UVRAG: variants seen among roughly 807,000 people sequenced by gnomAD.
UVRAG encodes the protein UV radiation resistance associated.
Under a neutral mutation model 78.0 loss-of-function variants are expected in UVRAG, and 19 were observed. The observed-to-expected ratio is 0.24, with a 90% CI of 0.17 to 0.36. The LOEUF is 0.36. Ranked by LOEUF, UVRAG falls within the 10% of genes least tolerant of loss-of-function variation. The pLI is 1.00. For synonymous variants in UVRAG, 323 were observed against 324.6 expected, an observed-to-expected ratio of 1.00 and a Z score of 0.05; for missense variants, 740 against 853.8, an observed-to-expected ratio of 0.87 and a Z score of 1.66.
intron 1 of UVRAG, among the ~76,000 whole-genome samples, chr11:75,828,090 C>G (rs73489931): frequency 0.051 from 7,713 of 152,146 alleles, 678 homozygotes; most frequent in African/African-American, 0.18. Context: ...GTGCTCATTA[C>G]AGGTCTAGGA....
intron 4 of UVRAG, among the ~76,000 whole-genome samples, chr11:75,883,246 C>T (rs1051969838): frequency 7.9e-5 from 12 of 151,910 alleles, no homozygotes; most frequent in Non-Finnish European, 1.5e-4. Context: ...TCAAGTCACA[C>T]TTTCCTTCGG....
At chr11:76,128,316 G>A (rs1429373750) in intron 14 of UVRAG, among the ~76,000 whole-genome samples, 1 of 152,192 alleles carries the variant, frequency 6.6e-6, no homozygotes, top group African/African-American at 2.4e-5. Context: ...AATGCCTGAT[G>A]ATCTGAGATG....
chr11:76,002,473 G>C (rs1694198678), intron 8 of UVRAG, among the ~76,000 whole-genome samples: 1 of 152,150 alleles, frequency 6.6e-6, no homozygotes, highest in Non-Finnish European at 1.5e-5. Context: ...TTGAAGACCA[G>C]ATCTGTCTTT....
rs116721470 is a variant in UVRAG at position 75,966,367 on chromosome 11, A to G, written c.699+4818A>G. ...ACAATGTTTTGAATTGCGTTTTCAG[A>G]TTTTGGTAGTAGGATTATGGTAGCC... On this transcript the variant is annotated intron_variant, in intron 7 of 14. Transcript: ENST00000356136. 3.0e-3 allele frequency among the ~76,000 whole-genome samples: 453 copies of G among 152,170 alleles called. 4 individuals are homozygous for G. The highest frequency in any genetic ancestry group is 0.01 in the African/African-American group (423 of 41,506).
chr11:76,013,670 A>G (rs1201128664), intron 11 of UVRAG, among the ~76,000 whole-genome samples: 1 of 152,254 alleles, frequency 6.6e-6, no homozygotes, highest in Non-Finnish European at 1.5e-5. Context: ...AGAATGTGAC[A>G]TCTGAGGTTG....
intron 8 of UVRAG, among the ~76,000 whole-genome samples, chr11:75,996,513 G>C (rs1949710574): frequency 6.6e-6 from 1 of 152,078 alleles, no homozygotes; most frequent in African/African-American, 2.4e-5. Context: ...CAGAACAACA[G>C]GTACAGGAGG....
rs901263704 is a variant in UVRAG at position 76,110,201 on chromosome 11, A to G, written c.1306-5723A>G. On this transcript the variant is annotated intron_variant, in intron 13 of 14. Transcript: ENST00000356136. ...TGATGATAATGTGGAGAATATATAT[A>G]TATCTGGTACATATATATATATATA... 9.3e-5 allele frequency among the ~76,000 whole-genome samples: 12 copies of G among 129,438 alleles called. 1 individual carries two copies. Among genetic ancestry groups the G allele is most frequent in the Admixed American group, 2.2e-4 (3 of 13,922 alleles). 84.9% of individuals were successfully genotyped at this position (129,438 alleles called of 152,430 possible). A position where few individuals can be genotyped will look rare whatever the true frequency, so the allele number is the denominator to read the frequency against.
chr11:76,021,362 G>A (rs527538479), intron 12 of UVRAG, among the ~76,000 whole-genome samples: 2 of 152,228 alleles, frequency 1.3e-5, no homozygotes, highest in South Asian at 4.1e-4. Flanking sequence ...TGTAAGGTTT[G>A]TAGTAATGTC....
chr11:75,886,175 G>C (rs893648305), intron 4 of UVRAG, among the ~76,000 whole-genome samples: 1 of 152,114 alleles, frequency 6.6e-6, no homozygotes, highest in Non-Finnish European at 1.5e-5. Flanking sequence ...ATCTTTTCAA[G>C]TACTAGTACT....
At chr11:76,070,143 T>A (rs1719106619) in intron 13 of UVRAG, among the ~76,000 whole-genome samples, 1 of 152,130 alleles carries the variant, frequency 6.6e-6, no homozygotes, top group African/African-American at 2.4e-5. Context: ...ATACTGCCAT[T>A]TGTGACAATA....
At chr11:76,055,879 T>G (rs575129023) in intron 12 of UVRAG, among the ~76,000 whole-genome samples, 1 of 152,258 alleles carries the variant, frequency 6.6e-6, no homozygotes, top group East Asian at 1.9e-4. Context: ...CTGGCTAATT[T>G]TTTGTATTTT....
intron 1 of UVRAG, among the ~76,000 whole-genome samples, chr11:75,818,142 CT>C (rs1211812886): frequency 6.6e-6 from 1 of 152,124 alleles, no homozygotes; most frequent in Non-Finnish European, 1.5e-5. Flanking sequence ...CCTATGTTCT[CT>C]TCCATCTCTG....
At chr11:76,075,784 A>G (rs911036478) in intron 13 of UVRAG, among the ~76,000 whole-genome samples, 1 of 152,072 alleles carries the variant, frequency 6.6e-6, no homozygotes, top group Non-Finnish European at 1.5e-5. Context: ...CTACCAGCCT[A>G]CTTTCTGTTT....
chr11:76,034,958 CTTT>C, intron 12 of UVRAG, among the ~76,000 whole-genome samples: 1 of 152,140 alleles, frequency 6.6e-6, no homozygotes, highest in East Asian at 1.9e-4. Flanking sequence ...GCAACGGAAA[CTTT>C]TTATTATTTT....
At chr11:75,974,990 C>G (rs981843584) in intron 7 of UVRAG, among the ~76,000 whole-genome samples, 1 of 152,140 alleles carries the variant, frequency 6.6e-6, no homozygotes, top group Non-Finnish European at 1.5e-5. Flanking sequence ...AGGTTTTCTC[C>G]TAGGGGTTTT....
At chr11:76,083,038 A>T (rs1337492790) in intron 13 of UVRAG, among the ~76,000 whole-genome samples, 1 of 152,188 alleles carries the variant, frequency 6.6e-6, no homozygotes. Flanking sequence ...AAAAAAGAGT[A>T]TCTGCTTTTG....
chr11:76,099,728 G>A (rs1308437190), intron 13 of UVRAG, among the ~76,000 whole-genome samples: 1 of 151,866 alleles, frequency 6.6e-6, no homozygotes, highest in African/African-American at 2.4e-5. Context: ...CTTTGTTTCT[G>A]TTTAAAATAG....
intron 12 of UVRAG, among the ~76,000 whole-genome samples, chr11:76,036,212 G>A (rs1950531373): frequency 6.6e-6 from 1 of 152,182 alleles, no homozygotes; most frequent in South Asian, 2.1e-4. Context: ...GGAACAGTGA[G>A]TAGTGTTTAT....
intron 12 of UVRAG, among the ~76,000 whole-genome samples, chr11:76,040,296 AC>A (rs1856746841): frequency 2.0e-5 from 3 of 151,422 alleles, no homozygotes; most frequent in African/African-American, 2.4e-5. Context: ...ACACAGTGAA[AC>A]CCCGTCTCTA....
Sources: allele counts gnomAD v4.1 joint callset (sites outside exome capture counted in the v4.1 genomes callset), GRCh38; gene constraint gnomAD v4.1.1; transcripts MANE v1.5; gene names NCBI Gene and HGNC (gene_info 2026-07-23, HGNC 2026-07-21).